C8orf34: variants seen among roughly 807,000 people sequenced by gnomAD.
C8orf34 encodes the protein uncharacterized protein C8orf34.
Under a neutral mutation model 68.3 loss-of-function variants are expected in C8orf34, and 65 were observed. The observed-to-expected ratio is 0.95, with a 90% CI of 0.78 to 1.17. C8orf34 has a LOEUF of 1.17. C8orf34 is among the 50% of genes most tolerant of loss of function. C8orf34 has a pLI of 0.00. For synonymous variants in C8orf34, 244 were observed against 241.2 expected (o/e 1.01, Z -0.11); for missense variants, 664 against 655.4 (o/e 1.01, Z -0.14).
chr8:68,728,060 G>A (rs1821882596), intron 10 of C8orf34, among the ~76,000 whole-genome samples: 1 of 152,150 alleles, frequency 6.6e-6, no homozygotes, highest in African/African-American at 2.4e-5. Context: ...TCTATGCTCT[G>A]CTTCTCTTAT....
chr8:68,379,450 A>G (rs1257759065), intron 1 of C8orf34, among the ~76,000 whole-genome samples: 3 of 152,224 alleles, frequency 2.0e-5, no homozygotes, highest in East Asian at 1.9e-4. Flanking sequence ...AAGTTTATCT[A>G]TCTTCATGCC....
chr8:68,417,228 AT>A (rs1809711986), intron 1 of C8orf34, among the ~76,000 whole-genome samples: 1 of 152,192 alleles, frequency 6.6e-6, no homozygotes, highest in African/African-American at 2.4e-5. Flanking sequence ...TTCTAAAAAG[AT>A]TAAAAATTAC....
intron 1 of C8orf34, among the ~76,000 whole-genome samples, chr8:68,435,261 T>G (rs1810615360): frequency 6.6e-6 from 1 of 151,400 alleles, no homozygotes. Context: ...TGGCTAAGAC[T>G]TTTTGGGAGT....
At chr8:68,566,002 G>T (rs894945347) in intron 7 of C8orf34, among the ~76,000 whole-genome samples, 2 of 152,080 alleles carry the variant, frequency 1.3e-5, no homozygotes, top group East Asian at 3.9e-4. Context: ...TCAAGATGCT[G>T]TTATTAAACA....
At chr8:68,360,898 G>A (rs991595839) in intron 1 of C8orf34, among the ~76,000 whole-genome samples, 3 of 151,184 alleles carry the variant, frequency 2.0e-5, no homozygotes, top group Non-Finnish European at 4.4e-5. Flanking sequence ...CATTACAGAC[G>A]TGCACCACCC....
intron 4 of C8orf34, among the ~76,000 whole-genome samples, chr8:68,469,932 T>TTGTGTGTG (rs34106520): frequency 6.0e-5 from 9 of 148,986 alleles, no homozygotes; most frequent in African/African-American, 2.5e-5. Flanking sequence ...ATTTGGTATT[T>TTGTGTGTG]TGTGTGTGTG....
rs140618562 is a variant in C8orf34, at chr8:68,637,181, G to T, written c.1106-3195G>T. Among the ~76,000 whole-genome samples, 607 of 152,270 alleles carry T rather than the reference G, an allele frequency of 4.0e-3. 3 individuals are homozygous for T. Among genetic ancestry groups the T allele is most frequent in the Middle Eastern group, 6.8e-3 (2 of 294 alleles). On this transcript the variant is annotated intron_variant, in intron 7 of 13. Coordinates refer to ENST00000518698, the MANE Select transcript of C8orf34 (RefSeq NM_052958.4). Reference sequence around the variant, plus strand: ...CAACTCTCTTGCCAACAGTTGAGATGGATCTGTATTCTATCTAGGGTAGAA... The same window carrying T: ...CAACTCTCTTGCCAACAGTTGAGATTGATCTGTATTCTATCTAGGGTAGAA...
At chr8:68,548,254 C>A (rs1815951713) in intron 7 of C8orf34, among the ~76,000 whole-genome samples, 1 of 151,692 alleles carries the variant, frequency 6.6e-6, no homozygotes, top group South Asian at 2.1e-4. Flanking sequence ...GCATTCCACT[C>A]ACTGATTTAG....
intron 1 of C8orf34, among the ~76,000 whole-genome samples, chr8:68,346,329 G>A (rs1163917606): frequency 6.8e-6 from 1 of 147,534 alleles, no homozygotes; most frequent in Non-Finnish European, 1.5e-5. Flanking sequence ...AAAATTAACA[G>A]GAAGCTACAG....
intron 7 of C8orf34, among the ~76,000 whole-genome samples, chr8:68,570,712 A>G (rs1462008985): frequency 6.6e-6 from 1 of 152,192 alleles, no homozygotes; most frequent in Non-Finnish European, 1.5e-5. Flanking sequence ...CAGCACAGCC[A>G]TCATCTGGGA....
At chr8:68,376,415 T>C (rs1166763211) in intron 1 of C8orf34, among the ~76,000 whole-genome samples, 1 of 152,000 alleles carries the variant, frequency 6.6e-6, no homozygotes, top group Non-Finnish European at 1.5e-5. Context: ...TTCCCTAATA[T>C]GGGGAGATGT....
At chr8:68,549,627 G>A (rs1027387040) in intron 7 of C8orf34, among the ~76,000 whole-genome samples, 1 of 151,636 alleles carries the variant, frequency 6.6e-6, no homozygotes, top group Non-Finnish European at 1.5e-5. Flanking sequence ...TACATCATGA[G>A]AATATCTGAG....
At chr8:68,683,684 T>C (rs981976267) in intron 8 of C8orf34, among the ~76,000 whole-genome samples, 4 of 152,016 alleles carry the variant, frequency 2.6e-5, no homozygotes, top group Admixed American at 1.3e-4. Flanking sequence ...GAGTAAAATA[T>C]CAGAACCTGT....
intron 9 of C8orf34, among the ~76,000 whole-genome samples, chr8:68,716,942 A>ATC (rs1423163731): frequency 1.1e-4 from 17 of 151,706 alleles, no homozygotes; most frequent in Non-Finnish European, 2.2e-4. Context: ...ATGTACAAAT[A>ATC]CATCCCCTGT....
chr8:68,466,229 A>C (rs553659030), intron 3 of C8orf34, among the ~76,000 whole-genome samples: 3 of 151,984 alleles, frequency 2.0e-5, no homozygotes, highest in Middle Eastern at 6.8e-3. Flanking sequence ...GGGAAGGGTG[A>C]TTGGGGCATG....
At chr8:68,800,978 C>T (rs571725896) in intron 12 of C8orf34, among the ~76,000 whole-genome samples, 9 of 152,218 alleles carry the variant, frequency 5.9e-5, no homozygotes, top group Non-Finnish European at 1.2e-4. Flanking sequence ...AATTTATTGT[C>T]TATGAGGCTA....
chr8:68,389,939 T>C (rs552716200), intron 1 of C8orf34, among the ~76,000 whole-genome samples: 1 of 152,256 alleles, frequency 6.6e-6, no homozygotes, highest in African/African-American at 2.4e-5. Flanking sequence ...TGACCTCTTT[T>C]CTAAGGTGTT....
intron 10 of C8orf34, among the ~76,000 whole-genome samples, chr8:68,744,831 C>G (rs576179036): frequency 6.6e-6 from 1 of 152,282 alleles, no homozygotes; most frequent in East Asian, 1.9e-4. Context: ...TCCAGGAGAA[C>G]TTCCCCAATC....
chr8:68,616,996 G>A (rs887123391), intron 7 of C8orf34, among the ~76,000 whole-genome samples: 2 of 152,146 alleles, frequency 1.3e-5, no homozygotes, highest in African/African-American at 4.8e-5. Flanking sequence ...TATATATTTA[G>A]GATAGTTAGC....
Sources: allele counts gnomAD v4.1 joint callset (sites outside exome capture counted in the v4.1 genomes callset), GRCh38; gene constraint gnomAD v4.1.1; transcripts MANE v1.5; gene names NCBI Gene and HGNC (gene_info 2026-07-23, HGNC 2026-07-21).